The following CYP4F3 variants were observed in gnomAD, a reference collection of about 807,000 sequenced individuals.
CYP4F3 encodes cytochrome P450 4F3.
Under a neutral mutation model 54.8 loss-of-function variants are expected in CYP4F3, and 50 were observed. The observed-to-expected ratio is 0.91, with a 90% confidence interval of 0.73 to 1.16. The LOEUF is 1.16. Ranked by LOEUF, CYP4F3 falls within the 50% of genes most tolerant of loss-of-function variation. The pLI is 0.00. For missense variants in CYP4F3, 715 were observed against 676.2 expected (o/e 1.06, Z -0.64); for synonymous variants, 244 against 262.6 (o/e 0.93, Z 0.69).
chr19:15,661,766 G>T lies in CYP4F3; in HGVS notation c.*2381G>T, dbSNP rs1209544778. The T allele has an allele frequency of 6.6e-6, 1 of 152,066 alleles. No homozygotes were observed. Among genetic ancestry groups the T allele is most frequent in the East Asian group, 1.9e-4 (1 of 5,190 alleles). The allele number at this position is 152,066 out of a possible 1,614,324, so 9.4% of individuals were successfully genotyped here. A position where few individuals can be genotyped will look rare whatever the true frequency, so the allele number is the denominator to read the frequency against. On this transcript the variant is annotated 3_prime_UTR_variant, in exon 13 of 13. Transcript: ENST00000221307. Reference sequence around the variant, plus strand: ...AAGACTTCTCAGTTTTATTTTTGGTGAATTATGTTTATACTGCCATATATA... The same window carrying T: ...AAGACTTCTCAGTTTTATTTTTGGTTAATTATGTTTATACTGCCATATATA...
At position 15,649,234 on chromosome 19, in the gene CYP4F3, G is replaced by T. The variant is rs1326614058; in HGVS notation, c.600G>T (p.Leu200Phe). The change falls in exon 6 of 13, where the codon TTG (leucine) becomes TTT (phenylalanine). Residue 200 changes from leucine (L) to phenylalanine (F), a missense_variant. By Grantham distance (22) the Leu-to-Phe change is conservative. Coordinates refer to ENST00000221307, the MANE Select transcript of CYP4F3 (RefSeq NM_000896.3). ...DMFEHISLMT[L>F]DSLQKCVFSF... is the part of the protein sequence containing the mutation. ...TTGAGCACATCAGCCTCATGACCTT[G>T]GACAGTCTGCAGAAATGTGTCTTCA... 6.2e-7 allele frequency: 1 copy of T among 1,613,316 alleles called. No homozygotes were observed. The highest frequency in any genetic ancestry group is 8.5e-7 in the Non-Finnish European group (1 of 1,179,570).
Position 15,659,664 on chromosome 19 carries a change from C to T in CYP4F3, c.*279C>T, listed in dbSNP as rs1036810028. ...TCCATCCATACAATGGAGTATTACA[C>T]AGCCATAAAAAGGAATGAAGCAGTG... On this transcript the variant is annotated 3_prime_UTR_variant, in exon 13 of 13. Transcript: ENST00000221307. 10 of 482,968 alleles carry T rather than the reference C, an allele frequency of 2.1e-5. No homozygotes were observed. Among genetic ancestry groups the T allele is most frequent in the Admixed American group, 3.9e-5 (1 of 25,746 alleles). 29.9% of individuals were successfully genotyped at this position (482,968 alleles called of 1,614,324 possible).
At chr19:15,652,758 G>A (rs1417559887) in intron 8 of CYP4F3, 65 bp from the exon 9 acceptor site, 2 of 1,601,560 alleles carry the variant, frequency 1.2e-6, no homozygotes, top group African/African-American at 1.3e-5. Flanking sequence ...CTCAATGCAA[G>A]GTTGCTGTAC....
chr19:15,656,101 C>T (rs1973003666), intron 9 of CYP4F3, among the ~76,000 whole-genome samples: 1 of 150,842 alleles, frequency 6.6e-6, no homozygotes, highest in East Asian at 1.9e-4. Flanking sequence ...CCTCTGGTAA[C>T]CACCATTCTA....
chr19:15,652,420 C>T lies in CYP4F3; in HGVS notation c.919-149C>T, dbSNP rs1416505459. 9.2e-6 allele frequency: 11 copies of T among 1,198,444 alleles called. No homozygotes were observed. In the East Asian group the frequency reaches 2.6e-4, roughly 28 times the overall value. 74.2% of individuals were successfully genotyped at this position (1,198,444 alleles called of 1,614,324 possible). On this transcript the variant is annotated intron_variant, in intron 7 of 12. Coordinates refer to ENST00000221307, the MANE Select transcript of CYP4F3 (RefSeq NM_000896.3). ...GGGGTTGGGGCTCTGGCCATGGTGA[C>T]CAAGAAGGGTCTAGGAGAGCAAGAT...
rs758183593 is a variant in CYP4F3, at chr19:15,659,328, G to A, written c.1506G>A (p.Pro502=). The A allele has an allele frequency of 8.1e-6, 13 of 1,613,514 alleles. No homozygotes were observed. The highest frequency in any genetic ancestry group is 4.4e-5 in the South Asian group (4 of 91,030). ...LPDHTEPRRK[P]ELVLRAEGGL... is the part of the protein sequence containing the mutation. ...ACCACACCGAGCCCCGCAGGAAGCCGGAGCTGGTCCTGCGCGCAGAGGGCG... is the reference window on the plus strand; with the variant it reads ...ACCACACCGAGCCCCGCAGGAAGCCAGAGCTGGTCCTGCGCGCAGAGGGCG... Residue 502 remains proline, a synonymous_variant, in exon 13 of 13, where the codon CCG becomes CCA. Coordinates refer to ENST00000221307, the MANE Select transcript of CYP4F3 (RefSeq NM_000896.3).
rs1305620602 is a variant in CYP4F3 at position 15,662,782 on chromosome 19, A to AT, written c.*3403dup. On this transcript the variant is annotated 3_prime_UTR_variant, in exon 13 of 13. Coordinates refer to ENST00000221307, the MANE Select transcript of CYP4F3 (RefSeq NM_000896.3). ...TGTTAAATGTACAGCTGAGAATTTA[A>AT]TTTTTTCTGGTGTACAATGCTAATA... 6.6e-6 allele frequency: 1 copy of AT among 152,128 alleles called. No homozygotes were observed. Among genetic ancestry groups the AT allele is most frequent in the Non-Finnish European group, 1.5e-5 (1 of 68,024 alleles). The allele number at this position is 152,128 out of a possible 1,614,324, so 9.4% of individuals were successfully genotyped here. A position where few individuals can be genotyped will look rare whatever the true frequency, so the allele number is the denominator to read the frequency against.
intron 2 of CYP4F3, chr19:15,644,167 C>A: frequency 1.6e-6 from 2 of 1,238,908 alleles, no homozygotes; most frequent in East Asian, 2.8e-5. Context: ...TTCCTTCTCT[C>A]TCAGCCATCT....
At chr19:15,652,139 A>G (rs1972874870) in intron 7 of CYP4F3, among the ~76,000 whole-genome samples, 1 of 152,190 alleles carries the variant, frequency 6.6e-6, no homozygotes, top group African/African-American at 2.4e-5. Context: ...GCCATATTCC[A>G]TAGACTTACA....
intron 5 of CYP4F3, 27 bp from the exon 6 acceptor site, chr19:15,649,133 C>T (rs1972710786): frequency 6.2e-7 from 1 of 1,612,434 alleles, no homozygotes; most frequent in Non-Finnish European, 8.5e-7. Context: ...AGGGACCTGC[C>T]CCAGCTCTGT....
intron 9 of CYP4F3, among the ~76,000 whole-genome samples, chr19:15,657,717 T>TA (rs200157492): frequency 6.6e-6 from 1 of 152,176 alleles, no homozygotes; most frequent in African/African-American, 2.4e-5. Flanking sequence ...GATGGACATT[T>TA]AAAAAAAGTA....
At chr19:15,645,954 G>A (rs967590602) in intron 3 of CYP4F3, 91 bp downstream of exon 3, 63 of 1,438,554 alleles carry the variant, frequency 4.4e-5, no homozygotes, top group South Asian at 3.8e-4. Context: ...AGCGGGTCGC[G>A]TGCCCATGTG....
intron 3 of CYP4F3, among the ~76,000 whole-genome samples, chr19:15,646,096 TG>T (rs2144639248): frequency 6.6e-6 from 1 of 152,356 alleles, no homozygotes; most frequent in African/African-American, 2.4e-5. Flanking sequence ...TCAAGTCTGC[TG>T]TACGGCTACG....
chr19:15,642,274 T>C (rs1341162931), intron 2 of CYP4F3, among the ~76,000 whole-genome samples: 1 of 152,176 alleles, frequency 6.6e-6, no homozygotes, highest in Non-Finnish European at 1.5e-5. Context: ...TTGATGGGTG[T>C]GTCCACAGGT....
chr19:15,654,216 T>C (rs1972954678), intron 9 of CYP4F3, among the ~76,000 whole-genome samples: 1 of 152,190 alleles, frequency 6.6e-6, no homozygotes, highest in Admixed American at 6.5e-5. Context: ...AAATAAAGAA[T>C]ATTTTTGCAA....
At chr19:15,646,563 A>C (rs559137251) in intron 3 of CYP4F3, among the ~76,000 whole-genome samples, 13 of 152,184 alleles carry the variant, frequency 8.5e-5, no homozygotes, top group Non-Finnish European at 1.3e-4. Context: ...TGTGCATGTT[A>C]GAGCATACCA....
chr19:15,647,382 C>T, intron 5 of CYP4F3, 58 bp downstream of exon 5: 1 of 1,605,472 alleles, frequency 6.2e-7, no homozygotes, highest in South Asian at 1.1e-5. Flanking sequence ...GAACCACAGA[C>T]AGATCTAGTC....
In CYP4F3 at chr19:15,650,145, A is replaced by C. The variant is rs562675230; in HGVS notation, c.880A>C (p.Lys294Gln). ...DDFLQAKAKS[K>Q]TLDFIDVLLL... is the part of the protein sequence containing the mutation. The stretch of plus-strand genomic sequence containing the variant: ...CTTCCTCCAAGCCAAGGCCAAATCC[A>C]AGACTTTGGACTTCATTGATGTACT... Residue 294 changes from lysine to glutamine, a missense_variant, in exon 7 of 13, where the codon AAG becomes CAG. Coordinates refer to ENST00000221307, the MANE Select transcript of CYP4F3 (RefSeq NM_000896.3). The C allele has an allele frequency of 6.2e-6, 10 of 1,614,174 alleles. No individual in the cohort carries two copies. The Admixed American group carries it at 1.7e-4, about 27-fold the overall frequency.
intron 2 of CYP4F3, among the ~76,000 whole-genome samples, chr19:15,644,846 G>A (rs1265913960): frequency 6.6e-6 from 1 of 152,184 alleles, no homozygotes; most frequent in East Asian, 1.9e-4. Context: ...CCATGGCTCT[G>A]GCCTCAAAAT....
Sources: allele counts gnomAD v4.1 joint callset (sites outside exome capture counted in the v4.1 genomes callset), GRCh38; gene constraint gnomAD v4.1.1; transcripts MANE v1.5; gene names NCBI Gene and HGNC (gene_info 2026-07-23, HGNC 2026-07-21).